SGCZ: variants seen among roughly 807,000 people sequenced by gnomAD.
SGCZ encodes zeta-sarcoglycan.
In SGCZ, 40 loss-of-function variants were observed where a neutral mutation model predicts 41.3. The ratio of observed to expected loss-of-function variants is 0.97; its 90% CI spans 0.75 to 1.26. The LOEUF is 1.26. Among genes scored for constraint, SGCZ ranks in the 50% most tolerant of loss-of-function variants. The pLI is 0.00. For synonymous variants in SGCZ, 206 were observed against 137.5 expected, an observed-to-expected ratio of 1.50 and a Z score of -3.49; for missense variants, 552 against 369.8, an observed-to-expected ratio of 1.49 and a Z score of -4.04.
chr8:15,105,015 G>A (rs1806768817), intron 1 of SGCZ, among the ~76,000 whole-genome samples: 1 of 152,092 alleles, frequency 6.6e-6, no homozygotes, highest in South Asian at 2.1e-4. Flanking sequence ...CAATATGTAA[G>A]TCTATTTCAC....
At chr8:14,978,506 A>AAAAAAT (rs1801560741) in intron 1 of SGCZ, among the ~76,000 whole-genome samples, 2 of 135,992 alleles carry the variant, frequency 1.5e-5, no homozygotes, top group African/African-American at 2.9e-5. Context: ...AAAAAAAAAA[A>AAAAAAT]TTGTATCTGC....
chr8:14,615,161 T>C (rs1332824445), intron 1 of SGCZ, among the ~76,000 whole-genome samples: 1 of 152,226 alleles, frequency 6.6e-6, no homozygotes, highest in Non-Finnish European at 1.5e-5. Context: ...CTTTCTCCCA[T>C]AAACTGTTAC....
chr8:14,949,645 G>A (rs541423723), intron 1 of SGCZ, among the ~76,000 whole-genome samples: 2 of 152,168 alleles, frequency 1.3e-5, no homozygotes, highest in East Asian at 3.9e-4. Context: ...AATTCTGGAG[G>A]TCATTTTGCT....
chr8:14,824,933 C>A (rs1244816001), intron 1 of SGCZ, among the ~76,000 whole-genome samples: 1 of 152,048 alleles, frequency 6.6e-6, no homozygotes, highest in East Asian at 1.9e-4. Flanking sequence ...TAAATTTCTT[C>A]ATGTGAGCCT....
intron 1 of SGCZ, among the ~76,000 whole-genome samples, chr8:14,911,051 C>T (rs557516740): frequency 1.3e-5 from 2 of 152,118 alleles, no homozygotes; most frequent in Non-Finnish European, 2.9e-5. Context: ...TAAAGGGATG[C>T]TTCTGCATAT....
At chr8:14,408,970 T>TGTGTGTGTGTGC (rs1554513898) in intron 2 of SGCZ, among the ~76,000 whole-genome samples, 2 of 103,738 alleles carry the variant, frequency 1.9e-5, no homozygotes, top group African/African-American at 7.7e-5. Context: ...TGTGTGTGTG[T>TGTGTGTGTGTGC]GCATGTGTGC....
intron 2 of SGCZ, among the ~76,000 whole-genome samples, chr8:14,522,114 C>T (rs972456265): frequency 1.3e-5 from 2 of 151,944 alleles, no homozygotes; most frequent in African/African-American, 4.8e-5. Flanking sequence ...TGGTAGAAAC[C>T]TTAGTTGCTC....
At chr8:14,553,538 T>C (rs931241208) in intron 2 of SGCZ, among the ~76,000 whole-genome samples, 1 of 152,062 alleles carries the variant, frequency 6.6e-6, no homozygotes, top group Non-Finnish European at 1.5e-5. Context: ...GTGGCTCATT[T>C]CCCTCCATGA....
chr8:14,679,492 T>C (rs1299160701), intron 1 of SGCZ, among the ~76,000 whole-genome samples: 1 of 140,600 alleles, frequency 7.1e-6, no homozygotes, highest in East Asian at 2.5e-4. Flanking sequence ...AAAAGTAATA[T>C]ATATACATAT....
At chr8:14,510,738 C>T (rs1802443546) in intron 2 of SGCZ, among the ~76,000 whole-genome samples, 1 of 152,158 alleles carries the variant, frequency 6.6e-6, no homozygotes, top group East Asian at 1.9e-4. Flanking sequence ...TCCCTTGCCT[C>T]AGAACATTTA....
Position 14,606,843 on chromosome 8 carries a change from T to G in SGCZ, c.40-51917A>C, listed in dbSNP as rs74944974. On this transcript the variant is annotated intron_variant, in intron 1 of 7. Transcript: ENST00000382080. The stretch of plus-strand genomic sequence containing the variant: ...TGCTATCTTTAGTGATAATAGTGGC[T>G]TTTTGTTTGATTCTTTATGTCAAGT... Among the ~76,000 whole-genome samples the G allele has an allele frequency of 8.9e-3, 1,355 of 152,266 alleles. 17 individuals are homozygous for G. Among genetic ancestry groups the G allele is most frequent in the African/African-American group, 0.028 (1,168 of 41,548 alleles).
chr8:14,690,205 A>G (rs1252221022), intron 1 of SGCZ, among the ~76,000 whole-genome samples: 3 of 151,818 alleles, frequency 2.0e-5, no homozygotes, highest in Non-Finnish European at 2.9e-5. Context: ...GCATTTTTAG[A>G]AAAAGGGTTA....
Position 14,321,730 on chromosome 8 carries a change from T to C in SGCZ, c.336+2373A>G, listed in dbSNP as rs369919294. Among the ~76,000 whole-genome samples the C allele has an allele frequency of 4.6e-5, 7 of 152,192 alleles. No individual in the cohort carries two copies. The South Asian group carries it at 1.2e-3, about 27-fold the overall frequency. On this transcript the variant is annotated intron_variant, in intron 3 of 7. Coordinates refer to ENST00000382080, the MANE Select transcript of SGCZ (RefSeq NM_139167.4). ...CCAAAGTGCCTTTTAGATTTTCTAA[T>C]AGATTTCCTTACCTTAGAACTACAC... is the stretch of plus-strand genomic sequence containing the variant.
At chr8:14,656,530 CTTTT>C (rs997217246) in intron 1 of SGCZ, among the ~76,000 whole-genome samples, 19 of 142,404 alleles carry the variant, frequency 1.3e-4, no homozygotes, top group Admixed American at 1.5e-4. Context: ...TCTTTTCTTT[CTTTT>C]TTCTTTCTTT....
At chr8:14,485,192 T>G (rs571323683) in intron 2 of SGCZ, among the ~76,000 whole-genome samples, 1 of 152,188 alleles carries the variant, frequency 6.6e-6, no homozygotes, top group South Asian at 2.1e-4. Flanking sequence ...AACTAAAAAC[T>G]ACATTTCCTA....
intron 6 of SGCZ, among the ~76,000 whole-genome samples, chr8:14,107,239 T>TAA (rs200495044): frequency 1.0e-3 from 151 of 145,382 alleles, no homozygotes; most frequent in African/African-American, 3.5e-3. Context: ...AAAAAATAAA[T>TAA]AAAAAAAAAA....
intron 1 of SGCZ, among the ~76,000 whole-genome samples, chr8:14,833,342 C>A (rs774532947): frequency 6.6e-6 from 1 of 152,088 alleles, no homozygotes; most frequent in Non-Finnish European, 1.5e-5. Context: ...ACCATCTAAG[C>A]GCACTGAAAT....
intron 1 of SGCZ, among the ~76,000 whole-genome samples, chr8:14,615,900 T>A (rs1806084356): frequency 6.6e-6 from 1 of 152,208 alleles, no homozygotes; most frequent in South Asian, 2.1e-4. Flanking sequence ...TCCTATCTCA[T>A]TCCACTTTAC....
chr8:14,929,753 T>G (rs1048836251), intron 1 of SGCZ, among the ~76,000 whole-genome samples: 2 of 152,030 alleles, frequency 1.3e-5, no homozygotes, highest in African/African-American at 4.8e-5. Flanking sequence ...CATGGGTAAT[T>G]AATGTCTTTA....
Sources: gnomAD v4.1 joint callset for allele counts (sites outside exome capture counted in the v4.1 genomes callset) on GRCh38, gnomAD v4.1.1 for gene constraint, MANE v1.5 for transcripts, NCBI Gene and HGNC (gene_info 2026-07-23, HGNC 2026-07-21) for gene names.